Variants in ANKH observed in about 807,000 individuals in gnomAD.
ANKH encodes mineralization regulator ANKH.
A neutral mutation model predicts 49.0 loss-of-function variants in ANKH; 15 were observed. That is an observed-to-expected ratio of 0.31 (90% CI 0.20 to 0.47). ANKH has a LOEUF of 0.47. Ranked by LOEUF, ANKH falls within the 20% of genes least tolerant of loss-of-function variation. The pLI is 1.00. For synonymous variants in ANKH, 273 were observed against 260.0 expected (o/e 1.05, Z -0.48); for missense variants, 429 against 652.0 (o/e 0.66, Z 3.72).
chr5:14,787,399 T>G (rs1740014188), intron 1 of ANKH, among the ~76,000 whole-genome samples: 1 of 152,194 alleles, frequency 6.6e-6, no homozygotes, highest in African/African-American at 2.4e-5. Flanking sequence ...ATTCTCATTC[T>G]GTTAAAAACA....
At chr5:14,748,424 C>T (rs765116232) in intron 6 of ANKH, among the ~76,000 whole-genome samples, 8 of 152,290 alleles carry the variant, frequency 5.3e-5, no homozygotes, top group East Asian at 1.9e-4. Flanking sequence ...AGGGGGCCCT[C>T]GTGGGCAGCC....
chr5:14,777,382 C>G (rs1414883394), intron 1 of ANKH, among the ~76,000 whole-genome samples: 1 of 152,172 alleles, frequency 6.6e-6, no homozygotes, highest in African/African-American at 2.4e-5. Context: ...CAGTATCTAC[C>G]AGGTTCACTG....
At chr5:14,759,614 C>T (rs1250451762) in intron 2 of ANKH, among the ~76,000 whole-genome samples, 5 of 151,704 alleles carry the variant, frequency 3.3e-5, no homozygotes, top group Admixed American at 2.0e-4. Flanking sequence ...AAAATTAGCC[C>T]GGCATGGTGG....
intron 1 of ANKH, chr5:14,788,063 T>C (rs1482500778): frequency 5.9e-5 from 9 of 152,204 alleles, no homozygotes; most frequent in South Asian, 2.1e-4. Flanking sequence ...CATGAAGGCA[T>C]TGAGTCCAGT....
intron 1 of ANKH, among the ~76,000 whole-genome samples, chr5:14,819,695 G>A (rs542967207): frequency 7.9e-5 from 12 of 152,124 alleles, no homozygotes; most frequent in East Asian, 5.8e-4. Context: ...GCAAAACCCC[G>A]TCTCTACCAA....
At chr5:14,819,184 T>C (rs1438671356) in intron 1 of ANKH, among the ~76,000 whole-genome samples, 3 of 152,198 alleles carry the variant, frequency 2.0e-5, no homozygotes, top group African/African-American at 7.2e-5. Context: ...GGAGTTTCCA[T>C]AATTGTCTTC....
At chr5:14,742,351 C>T (rs1242205403) in intron 7 of ANKH, among the ~76,000 whole-genome samples, 1 of 152,174 alleles carries the variant, frequency 6.6e-6, no homozygotes, top group Non-Finnish European at 1.5e-5. Flanking sequence ...ACCAAATGGA[C>T]TATAAATTCC....
intron 1 of ANKH, among the ~76,000 whole-genome samples, chr5:14,773,139 T>C (rs906107371): frequency 5.9e-5 from 9 of 152,216 alleles, no homozygotes; most frequent in Non-Finnish European, 1.3e-4. Context: ...CTTCTAATCA[T>C]CTATTTCTCA....
intron 1 of ANKH, among the ~76,000 whole-genome samples, chr5:14,795,059 T>C (rs1389775620): frequency 1.3e-5 from 2 of 152,218 alleles, no homozygotes; most frequent in Non-Finnish European, 2.9e-5. Flanking sequence ...TGGTCCAACG[T>C]GCATCCACCC....
intron 1 of ANKH, among the ~76,000 whole-genome samples, chr5:14,864,541 G>A (rs1580125561): frequency 6.6e-6 from 1 of 152,136 alleles, no homozygotes; most frequent in African/African-American, 2.4e-5. Flanking sequence ...CAGTGTCCTT[G>A]ACTAAATATG....
intron 2 of ANKH, among the ~76,000 whole-genome samples, chr5:14,767,242 C>T (rs76515861): frequency 6.6e-6 from 1 of 152,104 alleles, no homozygotes; most frequent in African/African-American, 2.4e-5. Flanking sequence ...AGATGCCCGA[C>T]GTAGCAGATG....
chr5:14,807,113 C>CT (rs35180875), intron 1 of ANKH, among the ~76,000 whole-genome samples: 6,554 of 127,680 alleles, frequency 0.051, 416 homozygotes, highest in African/African-American at 0.14. Context: ...CATGATATTT[C>CT]TTTTTTTTTT....
chr5:14,784,784 A>G (rs1405561368), intron 1 of ANKH, among the ~76,000 whole-genome samples: 2 of 152,202 alleles, frequency 1.3e-5, no homozygotes, highest in Non-Finnish European at 2.9e-5. Context: ...AAGGAAAGGA[A>G]GGTAACTCAG....
At chr5:14,762,523 A>G (rs1325997194) in intron 2 of ANKH, among the ~76,000 whole-genome samples, 1 of 152,188 alleles carries the variant, frequency 6.6e-6, no homozygotes, top group African/African-American at 2.4e-5. Context: ...TCCGGGAGAT[A>G]TTTGGAGGCC....
intron 1 of ANKH, among the ~76,000 whole-genome samples, chr5:14,847,398 T>C (rs1741995206): frequency 1.3e-5 from 2 of 152,188 alleles, no homozygotes; most frequent in Non-Finnish European, 2.9e-5. Context: ...GAGTCCTGAC[T>C]GTGGGAGAAA....
chr5:14,783,289 T>TACACACACGC (rs1366911623), intron 1 of ANKH, among the ~76,000 whole-genome samples: 1 of 144,530 alleles, frequency 6.9e-6, no homozygotes, highest in Non-Finnish European at 1.5e-5. Flanking sequence ...GCCACCATTC[T>TACACACACGC]ACACACACAC....
At position 14,711,026 on chromosome 5, in the gene ANKH, T is replaced by C. The variant is rs1231319167; in HGVS notation, c.*171A>G. On this transcript the variant is annotated 3_prime_UTR_variant, in exon 12 of 12. Coordinates refer to ENST00000284268, the MANE Select transcript of ANKH (RefSeq NM_054027.6). Reference sequence around the variant, plus strand: ...CATTCACTAGGTCCCCCCGTCAGTGTGAGCATACCCAGTATGCTAGAGAAT... The same window carrying C: ...CATTCACTAGGTCCCCCCGTCAGTGCGAGCATACCCAGTATGCTAGAGAAT... 4.4e-6 allele frequency: 3 copies of C among 680,760 alleles called. No individual in the cohort carries two copies. The highest frequency in any genetic ancestry group is 8.0e-6 in the Non-Finnish European group (3 of 374,328). The allele number at this position is 680,760 out of a possible 1,614,324, so 42.2% of individuals were successfully genotyped here. A position where few individuals can be genotyped will look rare whatever the true frequency, so the allele number is the denominator to read the frequency against.
intron 2 of ANKH, among the ~76,000 whole-genome samples, chr5:14,765,729 C>G (rs1471973939): frequency 6.6e-6 from 1 of 152,190 alleles, no homozygotes; most frequent in Non-Finnish European, 1.5e-5. Flanking sequence ...AGGGATGACA[C>G]TACAAAAGCT....
chr5:14,724,095 A>C (rs1460157058), intron 8 of ANKH, among the ~76,000 whole-genome samples: 1 of 152,162 alleles, frequency 6.6e-6, no homozygotes, highest in Non-Finnish European at 1.5e-5. Context: ...AGGTGGATGG[A>C]TCACTTGAGG....
Sources: allele counts gnomAD v4.1 joint callset (sites outside exome capture counted in the v4.1 genomes callset), GRCh38; gene constraint gnomAD v4.1.1; transcripts MANE v1.5; gene names NCBI Gene and HGNC (gene_info 2026-07-23, HGNC 2026-07-21).